The following SYNE1 variants were observed in gnomAD, a reference collection of about 807,000 sequenced individuals.
The protein encoded by SYNE1 is nesprin-1.
A neutral mutation model predicts 1,111.0 loss-of-function variants in SYNE1; 616 were observed. That is an observed-to-expected ratio of 0.55 (90% confidence interval 0.52 to 0.59). The LOEUF is 0.59. Ranked by LOEUF, SYNE1 falls within the 20% of genes least tolerant of loss-of-function variation. SYNE1 has a pLI of 0.00. For synonymous variants in SYNE1, 3,855 were observed against 3,825.8 expected (o/e 1.01, Z -0.28); for missense variants, 10,006 against 10,417.0 (o/e 0.96, Z 1.72).
At chr6:152,171,563 A>G (rs529001313) in intron 130 of SYNE1, among the ~76,000 whole-genome samples, 275 of 152,324 alleles carry the variant, frequency 1.8e-3, no homozygotes, top group African/African-American at 6.3e-3. Context: ...GAAGAATCTG[A>G]TCTAATCTGG....
rs1208540626 is a variant in SYNE1 at position 152,510,271 on chromosome 6, C to G, written c.503G>C (p.Ser168Thr). The G allele has an allele frequency of 7.4e-6, 12 of 1,613,740 alleles. No homozygotes were observed. The highest frequency in any genetic ancestry group is 1.6e-4 in the Middle Eastern group (1 of 6,062). The change falls in exon 8 of 146, where the codon AGT becomes ACT. Residue 168 changes from serine to threonine, a missense_variant. Coordinates refer to ENST00000367255, the MANE Select transcript of SYNE1 (RefSeq NM_182961.4). Reference sequence around the variant, plus strand: ...GATCTTGGTGGTCACCTTCCGTTTACTTGGTGGGCTGGGAGTCTCAGAGCT... The same window carrying G: ...GATCTTGGTGGTCACCTTCCGTTTAGTTGGTGGGCTGGGAGTCTCAGAGCT... ...IVSSETPSPP[S>T]KRKVTTKIQG... is the part of the protein sequence containing the mutation.
At chr6:152,350,857 A>C in intron 70 of SYNE1, 87 bp from the exon 71 acceptor site, 1 of 1,468,418 alleles carries the variant, frequency 6.8e-7, no homozygotes, top group Non-Finnish European at 9.5e-7. Context: ...GCAAGAGATG[A>C]TCTACCTCAA....
At position 152,323,497 on chromosome 6, in the gene SYNE1, T is replaced by C. The variant is rs1221150819; in HGVS notation, c.15898A>G (p.Met5300Val). Residue 5300 changes from methionine (M) to valine (V), a missense_variant, in exon 82 of 146, where the codon ATG becomes GTG. Coordinates refer to ENST00000367255, the MANE Select transcript of SYNE1 (RefSeq NM_182961.4). ...EPPLMQEITA[M>V]QDRCLNMQEK... Reference sequence around the variant, plus strand: ...AATTACTTCAGGCACCGATCTTGCATGGCGGTGATTTCCTGCATGAGCGGA... The same window carrying C: ...AATTACTTCAGGCACCGATCTTGCACGGCGGTGATTTCCTGCATGAGCGGA... 1 of 1,614,042 alleles carries C rather than the reference T, an allele frequency of 6.2e-7. No individual in the cohort carries two copies. Among genetic ancestry groups the C allele is most frequent in the Admixed American group, 1.7e-5 (1 of 60,030 alleles).
intron 11 of SYNE1, among the ~76,000 whole-genome samples, chr6:152,491,680 G>A (rs2098971453): frequency 6.6e-6 from 1 of 152,162 alleles, no homozygotes; most frequent in African/African-American, 2.4e-5. Context: ...TGAGATGCCT[G>A]ACATCCAGGC....
chr6:152,601,924 C>A (rs146380354), intron 3 of SYNE1, among the ~76,000 whole-genome samples: 1 of 152,274 alleles, frequency 6.6e-6, no homozygotes, highest in African/African-American at 2.4e-5. Flanking sequence ...CCTGGCCATT[C>A]TCATCTTGCC....
intron 55 of SYNE1, among the ~76,000 whole-genome samples, chr6:152,385,457 A>C (rs2097511466): frequency 6.6e-6 from 1 of 152,242 alleles, no homozygotes; most frequent in African/African-American, 2.4e-5. Context: ...GCACATTTGC[A>C]TACAGAAATG....
intron 38 of SYNE1, among the ~76,000 whole-genome samples, chr6:152,426,552 A>C: frequency 6.6e-6 from 1 of 152,272 alleles, no homozygotes; most frequent in East Asian, 1.9e-4. Context: ...TTCCACGTGG[A>C]GATGGGCAGC....
chr6:152,127,435 T>C (rs1200606594), intron 145 of SYNE1: 2 of 152,208 alleles, frequency 1.3e-5, no homozygotes, highest in Non-Finnish European at 2.9e-5. Flanking sequence ...TAAATGAATG[T>C]CAGCAGCTTA....
chr6:152,268,287 G>T, intron 99 of SYNE1, 122 bp from the exon 100 acceptor site: 1 of 743,996 alleles, frequency 1.3e-6, no homozygotes, highest in Non-Finnish European at 2.4e-6. Context: ...TTTGCATATT[G>T]CATAAAGCAT....
rs572269560 is a variant in SYNE1 at position 152,197,584 on chromosome 6, T to C, written c.23145+4240A>G. On this transcript the variant is annotated intron_variant, in intron 127 of 145. Transcript: ENST00000367255. ...AGGCATGAAGACAACATTAGTCTTG[T>C]ACATCTCCATCTCCATCAGATATCT... 5.3e-5 allele frequency among the ~76,000 whole-genome samples: 8 copies of C among 152,350 alleles called. No individual in the cohort carries two copies. The South Asian group carries it at 1.4e-3, about 28-fold the overall frequency.
chr6:152,524,751 A>G (rs1003241018), intron 5 of SYNE1, among the ~76,000 whole-genome samples: 3 of 152,126 alleles, frequency 2.0e-5, no homozygotes, highest in African/African-American at 7.2e-5. Context: ...AGGATGTGCT[A>G]TTGAGGGTTA....
At chr6:152,563,965 A>G (rs1398615181) in intron 3 of SYNE1, among the ~76,000 whole-genome samples, 1 of 152,178 alleles carries the variant, frequency 6.6e-6, no homozygotes, top group African/African-American at 2.4e-5. Flanking sequence ...TGCAAACAAT[A>G]TTGGAGAGGT....
intron 3 of SYNE1, among the ~76,000 whole-genome samples, chr6:152,597,054 T>C (rs2099584076): frequency 6.6e-6 from 1 of 152,214 alleles, no homozygotes; most frequent in Non-Finnish European, 1.5e-5. Context: ...GGTATTTCTC[T>C]AATAGCATAA....
intron 45 of SYNE1, among the ~76,000 whole-genome samples, chr6:152,405,913 C>T (rs1592034047): frequency 6.6e-6 from 1 of 152,244 alleles, no homozygotes; most frequent in African/African-American, 2.4e-5. Context: ...GGACCAAAGT[C>T]ACTATCTCCT....
In SYNE1 at chr6:152,323,717, C is replaced by T. The variant is rs2095955611; in HGVS notation, c.15678G>A (p.Met5226Ile). The T allele has an allele frequency of 3.7e-6, 6 of 1,614,188 alleles. No homozygotes were observed. The highest frequency in any genetic ancestry group is 5.1e-6 in the Non-Finnish European group (6 of 1,180,016). Residue 5226 changes from methionine to isoleucine, a missense_variant, in exon 82 of 146, where the codon ATG (methionine) becomes ATA (isoleucine). Around this residue, in one of 7 missense-constraint regions of SYNE1, gnomAD observed 4,955 missense variants for 5,017.2 expected, o/e 0.99. Coordinates refer to ENST00000367255, the MANE Select transcript of SYNE1 (RefSeq NM_182961.4). Reference protein sequence around the residue: ...FNNKVKKATEMIDQLQDKLPG... With the variant: ...FNNKVKKATEIIDQLQDKLPG... Reference sequence around the variant, plus strand: ...GTAACTTATCTTGCAGCTGATCAATCATTTCAGTGGCCTTTTTAACCTGAT... The same window carrying T: ...GTAACTTATCTTGCAGCTGATCAATTATTTCAGTGGCCTTTTTAACCTGAT...
chr6:152,336,840 C>T lies in SYNE1; in HGVS notation c.12528+1G>A, dbSNP rs1012514808. ...TCCCTTGGGGGCAAATTAATTCCCA[C>T]CTTAACTTGTGAAACCATGTTCTGT... On this transcript the variant is annotated splice_donor_variant, in intron 76 of 145. Transcript: ENST00000367255. LOFTEE classifies it high-confidence loss of function. 6 of 1,612,900 alleles carry T rather than the reference C, an allele frequency of 3.7e-6. No individual in the cohort carries two copies. Among genetic ancestry groups the T allele is most frequent in the Non-Finnish European group, 8.5e-7 (1 of 1,180,032 alleles).
chr6:152,370,115 C>T (rs1415266858), intron 59 of SYNE1, among the ~76,000 whole-genome samples: 1 of 151,836 alleles, frequency 6.6e-6, no homozygotes, highest in East Asian at 1.9e-4. Flanking sequence ...TTAGGGTTCT[C>T]CTTTTGAAAA....
Position 152,221,466 on chromosome 6 carries a change from T to C in SYNE1, c.21616A>G (p.Thr7206Ala). Residue 7206 changes from threonine to alanine, a missense_variant, in exon 118 of 146, where the codon ACA becomes GCA. Around this residue, in one of 7 missense-constraint regions of SYNE1, gnomAD observed 2,182 missense variants for 2,287.8 expected, o/e 0.95. Transcript: ENST00000367255. ...QLLKECHPPV[T>A]ETLTNTLKEV... ...TTCAGTGTATTGGTAAGAGTTTCTG[T>C]CACGGGTGGGTGACACTCTTTTAAT... The C allele has an allele frequency of 6.2e-7, 1 of 1,614,002 alleles. No homozygotes were observed. Among genetic ancestry groups the C allele is most frequent in the Non-Finnish European group, 8.5e-7 (1 of 1,179,952 alleles).
At chr6:152,413,276 C>T in intron 42 of SYNE1, 76 bp downstream of exon 42, 1 of 1,478,398 alleles carries the variant, frequency 6.8e-7, no homozygotes, top group Non-Finnish European at 9.5e-7. Context: ...ATCACATCAA[C>T]ACAAAACAGG....
Sources: gnomAD v4.1 joint callset for allele counts (sites outside exome capture counted in the v4.1 genomes callset) on GRCh38, gnomAD v4.1.1 for gene constraint, gnomAD v4.1.1 regional missense constraint, MANE v1.5 for transcripts, NCBI Gene and HGNC (gene_info 2026-07-23, HGNC 2026-07-21) for gene names.